Variants in ERC2 observed in about 807,000 individuals in gnomAD.
ERC2 encodes the protein ELKS/RAB6-interacting/CAST family member 2.
Under a neutral mutation model 114.8 loss-of-function variants are expected in ERC2, and 42 were observed. The ratio of observed to expected loss-of-function variants is 0.37; its 90% CI spans 0.29 to 0.47. The LOEUF is 0.47. ERC2 is among the 20% of genes least tolerant of loss of function. The pLI is 0.99. For missense variants in ERC2, 939 were observed against 1,150.7 expected, an observed-to-expected ratio of 0.82 and a Z score of 2.66; for synonymous variants, 454 against 425.5, an observed-to-expected ratio of 1.07 and a Z score of -0.82.
intron 14 of ERC2, among the ~76,000 whole-genome samples, chr3:55,754,225 T>C (rs1472597556): frequency 6.6e-6 from 1 of 152,128 alleles, no homozygotes; most frequent in African/African-American, 2.4e-5. Flanking sequence ...GAGAAAATAT[T>C]TTATTTTCTG....
intron 14 of ERC2, among the ~76,000 whole-genome samples, chr3:55,828,842 T>C (rs1207452882): frequency 1.3e-5 from 2 of 152,062 alleles, no homozygotes; most frequent in African/African-American, 4.8e-5. Context: ...AACTACACAA[T>C]GTTCAAAATA....
intron 2 of ERC2, among the ~76,000 whole-genome samples, chr3:56,390,556 A>G (rs946157287): frequency 6.6e-6 from 1 of 152,178 alleles, no homozygotes; most frequent in African/African-American, 2.4e-5. Flanking sequence ...AAGTCTCACG[A>G]TTAGTGATGT....
chr3:55,550,303 A>G (rs2055078579), intron 17 of ERC2, among the ~76,000 whole-genome samples: 1 of 152,096 alleles, frequency 6.6e-6, no homozygotes, highest in South Asian at 2.1e-4. Flanking sequence ...CAAAGCCCTT[A>G]TTCCCATTTG....
chr3:55,738,716 A>G (rs989659730), intron 14 of ERC2, among the ~76,000 whole-genome samples: 5 of 152,162 alleles, frequency 3.3e-5, no homozygotes, highest in Admixed American at 2.6e-4. Flanking sequence ...TTGAGATTAT[A>G]TAGCTTTAAT....
intron 3 of ERC2, among the ~76,000 whole-genome samples, chr3:56,212,748 ATG>A (rs143167915): frequency 4.6e-5 from 7 of 151,500 alleles, no homozygotes; most frequent in South Asian, 2.1e-4. Flanking sequence ...TGATATATAT[ATG>A]TGTGTGTGTG....
intron 3 of ERC2, among the ~76,000 whole-genome samples, chr3:56,197,172 G>A (rs545363978): frequency 6.6e-6 from 1 of 152,272 alleles, no homozygotes; most frequent in Admixed American, 6.5e-5. Context: ...CCAGTGGCCT[G>A]AATTCAAAAT....
intron 14 of ERC2, among the ~76,000 whole-genome samples, chr3:55,872,492 G>T (rs1342761879): frequency 6.6e-6 from 1 of 152,148 alleles, no homozygotes; most frequent in Non-Finnish European, 1.5e-5. Context: ...CAATAGAAAA[G>T]CCTTCTCAAC....
chr3:55,532,470 T>C (rs1485771976), intron 17 of ERC2, among the ~76,000 whole-genome samples: 1 of 152,194 alleles, frequency 6.6e-6, no homozygotes, highest in Non-Finnish European at 1.5e-5. Flanking sequence ...AACCTCTATG[T>C]CCAGTGATAT....
In ERC2 at chr3:56,047,980, T is replaced by C. The variant is rs1315318504; in HGVS notation, c.1642-28949A>G. On this transcript the variant is annotated intron_variant, in intron 7 of 17. Coordinates refer to ENST00000288221, the MANE Select transcript of ERC2 (RefSeq NM_015576.3). ...GTGGAATTCCAAGAAAGCAACACAA[T>C]AACCCTGCAATTCATGGGGTGGTGA... 5.3e-5 allele frequency among the ~76,000 whole-genome samples: 8 copies of C among 152,202 alleles called. No homozygotes were observed. In the East Asian group the frequency reaches 7.7e-4, roughly 15 times the overall value.
chr3:56,198,226 T>A (rs1040309779), intron 3 of ERC2, among the ~76,000 whole-genome samples: 1 of 152,232 alleles, frequency 6.6e-6, no homozygotes, highest in African/African-American at 2.4e-5. Context: ...GCATCAGGTC[T>A]TGCTCCTCAG....
chr3:55,584,945 G>T (rs772373007), intron 17 of ERC2, among the ~76,000 whole-genome samples: 5 of 152,194 alleles, frequency 3.3e-5, no homozygotes, highest in Non-Finnish European at 7.3e-5. Flanking sequence ...AACCAGACCT[G>T]CCTGCAAAAT....
chr3:55,614,120 G>A (rs917907078), intron 17 of ERC2, among the ~76,000 whole-genome samples: 1 of 151,598 alleles, frequency 6.6e-6, no homozygotes, highest in African/African-American at 2.4e-5. Context: ...AGATCAGCCT[G>A]ACTCTGTTTT....
intron 3 of ERC2, among the ~76,000 whole-genome samples, chr3:56,182,985 A>G (rs2083368792): frequency 6.6e-6 from 1 of 152,254 alleles, no homozygotes; most frequent in South Asian, 2.1e-4. Flanking sequence ...TTACTTTCAA[A>G]TTTTAATAAC....
chr3:55,608,644 A>G (rs2058750710), intron 17 of ERC2, among the ~76,000 whole-genome samples: 1 of 152,230 alleles, frequency 6.6e-6, no homozygotes, highest in Admixed American at 6.5e-5. Context: ...AAATTCGAAG[A>G]CACCTTGGCT....
chr3:56,115,353 C>A (rs1228500587), intron 6 of ERC2, among the ~76,000 whole-genome samples: 3 of 152,108 alleles, frequency 2.0e-5, no homozygotes, highest in African/African-American at 7.2e-5. Flanking sequence ...TTCTCCAGCC[C>A]CTATCCCCTC....
intron 3 of ERC2, among the ~76,000 whole-genome samples, chr3:56,179,865 G>T (rs1232553783): frequency 6.6e-6 from 1 of 152,052 alleles, no homozygotes; most frequent in Non-Finnish European, 1.5e-5. Context: ...GATTTGAGGG[G>T]AGAAGTAAGA....
At chr3:55,861,117 A>G (rs1172311217) in intron 14 of ERC2, among the ~76,000 whole-genome samples, 1 of 152,218 alleles carries the variant, frequency 6.6e-6, no homozygotes, top group African/African-American at 2.4e-5. Context: ...AGTTTCTTTC[A>G]TGCATTTTGA....
chr3:56,334,609 C>T (rs934699741), intron 2 of ERC2, among the ~76,000 whole-genome samples: 14 of 152,180 alleles, frequency 9.2e-5, no homozygotes, highest in African/African-American at 3.4e-4. Flanking sequence ...GAAAACAAAA[C>T]AAAACACTGC....
intron 17 of ERC2, among the ~76,000 whole-genome samples, chr3:55,586,094 C>T (rs1479715080): frequency 6.6e-6 from 1 of 152,162 alleles, no homozygotes; most frequent in East Asian, 1.9e-4. Flanking sequence ...ACAGAGGCCC[C>T]CATAGGCCTG....
Sources: allele counts gnomAD v4.1 joint callset (sites outside exome capture counted in the v4.1 genomes callset), GRCh38; gene constraint gnomAD v4.1.1; transcripts MANE v1.5; gene names NCBI Gene and HGNC (gene_info 2026-07-23, HGNC 2026-07-21).